EYA2: variants seen among roughly 807,000 people sequenced by gnomAD.
The protein encoded by EYA2 is EYA transcriptional coactivator and phosphatase 2, also known as protein phosphatase EYA2.
EYA2 carries 31 observed loss-of-function variants against 69.2 expected under a neutral mutation model. The ratio of observed to expected loss-of-function variants is 0.45; its 90% CI spans 0.34 to 0.60. EYA2 has a LOEUF of 0.60. Among genes scored for constraint, EYA2 ranks in the 20% least tolerant of loss-of-function variants. The probability of loss-of-function intolerance (pLI) is 0.02; values close to 1 mark genes in which losing one functional copy is unlikely to be tolerated. For missense variants in EYA2, 622 were observed against 701.2 expected (o/e 0.89, Z 1.28); for synonymous variants, 257 against 279.4 (o/e 0.92, Z 0.80).
intron 1 of EYA2, among the ~76,000 whole-genome samples, chr20:46,974,566 C>T (rs1980337535): frequency 6.6e-6 from 1 of 152,138 alleles, no homozygotes; most frequent in South Asian, 2.1e-4. Context: ...CTCTTGCCTG[C>T]CTCTTGGTAG....
intron 1 of EYA2, among the ~76,000 whole-genome samples, chr20:46,925,934 T>G (rs1356800648): frequency 6.6e-6 from 1 of 152,182 alleles, no homozygotes; most frequent in African/African-American, 2.4e-5. Context: ...AGAGAATTGG[T>G]CACATAACTT....
chr20:47,179,872 C>T lies in EYA2; in HGVS notation c.1273C>T (p.Leu425=), dbSNP rs755400081. 1.0e-4 allele frequency: 161 copies of T among 1,614,112 alleles called. 5 individuals carry two copies. In the South Asian group the frequency reaches 1.7e-3, roughly 17 times the overall value. ...AELEALTDLW[L]THSLKALNLI... ...GCTGGAAGCTCTCACAGACCTCTGG[C>T]TGACCCACTCCCTGAAGGCACTAAA... is the stretch of plus-strand genomic sequence containing the variant. Residue 425 remains leucine (L), a synonymous_variant, in exon 13 of 16, where the codon CTG becomes TTG. Transcript: ENST00000327619.
At chr20:47,003,771 C>G (rs1982522612) in intron 3 of EYA2, among the ~76,000 whole-genome samples, 1 of 152,188 alleles carries the variant, frequency 6.6e-6, no homozygotes, top group South Asian at 2.1e-4. Flanking sequence ...CTGGATGAAT[C>G]CTAGTCCTGT....
chr20:47,032,830 AT>A (rs1984494130), intron 5 of EYA2, among the ~76,000 whole-genome samples: 1 of 152,240 alleles, frequency 6.6e-6, no homozygotes, highest in Non-Finnish European at 1.5e-5. Flanking sequence ...TGTTATGGAT[AT>A]ACCACGGCAT....
intron 5 of EYA2, among the ~76,000 whole-genome samples, chr20:47,023,399 T>C (rs1419864885): frequency 6.6e-6 from 1 of 152,224 alleles, no homozygotes; most frequent in African/African-American, 2.4e-5. Context: ...TCTTTATGAT[T>C]CTCGTGCTCT....
At chr20:46,968,773 C>T (rs1337731725) in intron 1 of EYA2, among the ~76,000 whole-genome samples, 3 of 151,984 alleles carry the variant, frequency 2.0e-5, no homozygotes, top group South Asian at 2.1e-4. Context: ...CAGCAAAATC[C>T]CACCCCGCCG....
At chr20:47,156,121 CACACACATATAT>C (rs2033932075) in intron 10 of EYA2, among the ~76,000 whole-genome samples, 1 of 24,396 alleles carries the variant, frequency 4.1e-5, no homozygotes, top group African/African-American at 3.2e-4. Context: ...CACACACACA[CACACACATATAT>C]ATATATATAT....
intron 10 of EYA2, among the ~76,000 whole-genome samples, chr20:47,145,718 A>G (rs918849520): frequency 5.3e-5 from 8 of 151,822 alleles, no homozygotes; most frequent in Admixed American, 2.0e-4. Flanking sequence ...GGCCAACATG[A>G]TGAAACCCTG....
At chr20:47,038,409 T>G (rs1330899866) in intron 5 of EYA2, among the ~76,000 whole-genome samples, 1 of 152,198 alleles carries the variant, frequency 6.6e-6, no homozygotes, top group Non-Finnish European at 1.5e-5. Flanking sequence ...GAGGATTGCT[T>G]GAGCCCAGGA....
intron 1 of EYA2, among the ~76,000 whole-genome samples, chr20:46,912,124 G>A (rs571298461): frequency 6.6e-6 from 1 of 152,290 alleles, no homozygotes; most frequent in African/African-American, 2.4e-5. Context: ...GGTTGGGCTT[G>A]TTGGAGAGTG....
intron 1 of EYA2, among the ~76,000 whole-genome samples, 182 bp downstream of exon 1, chr20:46,895,169 G>C (rs749937950): frequency 3.3e-5 from 5 of 152,230 alleles, no homozygotes; most frequent in African/African-American, 4.8e-5. Flanking sequence ...CACAAGGGCA[G>C]AGGGGACAGC....
chr20:47,152,760 G>A (rs971049721), intron 10 of EYA2, among the ~76,000 whole-genome samples: 6 of 150,542 alleles, frequency 4.0e-5, no homozygotes, highest in Admixed American at 1.3e-4. Context: ...GCGGTGAGCC[G>A]AGATCGCGCC....
chr20:47,159,705 C>G (rs1240996625), intron 10 of EYA2, among the ~76,000 whole-genome samples: 1 of 151,988 alleles, frequency 6.6e-6, no homozygotes, highest in Non-Finnish European at 1.5e-5. Flanking sequence ...TAAAACTATT[C>G]CAGGCCAGCC....
chr20:47,169,311 C>G (rs1407478465), intron 11 of EYA2, 114 bp downstream of exon 11: 3 of 975,076 alleles, frequency 3.1e-6, no homozygotes, highest in Non-Finnish European at 4.9e-6. Context: ...CAAGGAGTGC[C>G]TGCCTCCAGC....
At chr20:47,141,160 G>A (rs2033586383) in intron 9 of EYA2, among the ~76,000 whole-genome samples, 1 of 152,200 alleles carries the variant, frequency 6.6e-6, no homozygotes, top group Non-Finnish European at 1.5e-5. Context: ...ACCTCACAGA[G>A]TTTGGTGGGG....
intron 5 of EYA2, among the ~76,000 whole-genome samples, chr20:47,048,465 C>CAGTG (rs2030159411): frequency 6.6e-6 from 1 of 152,204 alleles, no homozygotes; most frequent in Non-Finnish European, 1.5e-5. Context: ...AGGCCGGGTG[C>CAGTG]AGTGGCCCAT....
In EYA2 at chr20:47,130,261, C is replaced by CTTTTTTTTTTTTTTTTTTTTTTTTTTTT. The variant is rs74178703; in HGVS notation, c.889-12777_889-12776insTTTTTTTTTTTTTTTTTTTTTTTTTTTT. Among the ~76,000 whole-genome samples, 2 of 81,260 alleles carry CTTTTTTTTTTTTTTTTTTTTTTTTTTTT rather than the reference C, an allele frequency of 2.5e-5. 1 individual carries two copies. The highest frequency in any genetic ancestry group is 1.2e-4 in the African/African-American group (2 of 17,372). The allele number at this position is 81,260 out of a possible 152,430, so 53.3% of individuals were successfully genotyped here. On this transcript the variant is annotated intron_variant, in intron 9 of 15. Transcript: ENST00000327619. ...AAAGAAATAAAAGAAGGTTTATTTT[C>CTTTTTTTTTTTTTTTTTTTTTTTTTTTT]TTTTTTTTTTTTTTTTTTTTTGAGA...
intron 5 of EYA2, among the ~76,000 whole-genome samples, chr20:47,042,256 C>T (rs560104377): frequency 6.6e-6 from 1 of 152,294 alleles, no homozygotes; most frequent in South Asian, 2.1e-4. Flanking sequence ...TGCAATGTCA[C>T]TCAGCTAATG....
At chr20:47,072,384 G>C in intron 6 of EYA2, 132 bp downstream of exon 6, 1 of 825,408 alleles carries the variant, frequency 1.2e-6, no homozygotes, top group South Asian at 1.6e-5. Flanking sequence ...TGGGTTTGGA[G>C]ACTACAGGGG....
Sources: allele counts gnomAD v4.1 joint callset (sites outside exome capture counted in the v4.1 genomes callset), GRCh38; gene constraint gnomAD v4.1.1; transcripts MANE v1.5; gene names NCBI Gene and HGNC (gene_info 2026-07-23, HGNC 2026-07-21).